PLXNC1: variants seen among roughly 807,000 people sequenced by gnomAD.
PLXNC1 encodes the protein plexin C1.
Under a neutral mutation model 178.2 loss-of-function variants are expected in PLXNC1, and 75 were observed. The ratio of observed to expected loss-of-function variants is 0.42; its 90% CI spans 0.35 to 0.51. The LOEUF (loss-of-function observed/expected upper bound fraction) is 0.51, where lower values mean the gene tolerates loss of function less well. Ranked by LOEUF, PLXNC1 falls within the 20% of genes least tolerant of loss-of-function variation. The pLI is 0.02. For synonymous variants in PLXNC1, 790 were observed against 779.9 expected (o/e 1.01, Z -0.22); for missense variants, 1,503 against 1,984.4 (o/e 0.76, Z 4.61).
At chr12:94,294,642 G>C in intron 24 of PLXNC1, 102 bp downstream of exon 24, 1 of 607,484 alleles carries the variant, frequency 1.6e-6, no homozygotes. Context: ...AGATTGAGTT[G>C]TTGCTATGTA....
At chr12:94,301,777 T>C (rs1469590329) in intron 28 of PLXNC1, among the ~76,000 whole-genome samples, 1 of 152,224 alleles carries the variant, frequency 6.6e-6, no homozygotes, top group Non-Finnish European at 1.5e-5. Flanking sequence ...AAACTCTTTA[T>C]CAGCAGTATT....
intron 21 of PLXNC1, among the ~76,000 whole-genome samples, chr12:94,276,332 T>C (rs940900651): frequency 6.6e-6 from 1 of 152,100 alleles, no homozygotes; most frequent in Non-Finnish European, 1.5e-5. Context: ...AACAAGATCG[T>C]AGGTGGTGGC....
At chr12:94,296,996 C>T (rs898280044) in intron 24 of PLXNC1, among the ~76,000 whole-genome samples, 193 bp from the exon 25 acceptor site, 1 of 152,196 alleles carries the variant, frequency 6.6e-6, no homozygotes, top group African/African-American at 2.4e-5. Flanking sequence ...ATCCCTCACC[C>T]GTCCCATCTT....
chr12:94,253,167 T>C (rs1414546147), intron 15 of PLXNC1, among the ~76,000 whole-genome samples: 3 of 122,494 alleles, frequency 2.4e-5, no homozygotes, highest in African/African-American at 9.0e-5. Flanking sequence ...GCCGAGATCG[T>C]GCCACTGCAC....
rs530585799 is a variant in PLXNC1, at chr12:94,181,614, A to G, written c.1338+34A>G. 6 of 1,544,368 alleles carry G rather than the reference A, an allele frequency of 3.9e-6. No homozygotes were observed. In the Admixed American group the frequency reaches 7.0e-5, roughly 18 times the overall value. On this transcript the variant is annotated intron_variant, in intron 3 of 30. Transcript: ENST00000258526. ...AAATACTAGTTATTGCTTCTGATTT[A>G]TGAATAAAAATGGTTTAATTGATGT... is the stretch of plus-strand genomic sequence containing the variant.
At chr12:94,237,494 G>T (rs78373738) in intron 9 of PLXNC1, among the ~76,000 whole-genome samples, 170 bp from the exon 10 acceptor site, 2,904 of 152,280 alleles carry the variant, frequency 0.019, 92 homozygotes, top group African/African-American at 0.066. Flanking sequence ...ACATGAATCT[G>T]CAGCCCTCTT....
At chr12:94,245,362 A>G (rs76509143) in intron 12 of PLXNC1, among the ~76,000 whole-genome samples, 150 of 152,260 alleles carry the variant, frequency 9.9e-4, no homozygotes, top group African/African-American at 3.5e-3. Context: ...GCCTTCATGG[A>G]GGCAGGCAGC....
chr12:94,195,135 G>A (rs977576948), intron 4 of PLXNC1, among the ~76,000 whole-genome samples: 14 of 152,156 alleles, frequency 9.2e-5, no homozygotes, highest in South Asian at 4.2e-4. Flanking sequence ...CCTTACTAGC[G>A]GGTGCTGGGA....
At chr12:94,241,130 A>C (rs1964376119) in intron 11 of PLXNC1, among the ~76,000 whole-genome samples, 1 of 151,810 alleles carries the variant, frequency 6.6e-6, no homozygotes, top group African/African-American at 2.4e-5. Context: ...CCCAAAATAA[A>C]CTCTCCCAGA....
chr12:94,301,306 C>A (rs1469127367), intron 28 of PLXNC1, among the ~76,000 whole-genome samples: 1 of 152,196 alleles, frequency 6.6e-6, no homozygotes, highest in Non-Finnish European at 1.5e-5. Context: ...AACTTTATCA[C>A]AAAGTATGCG....
At chr12:94,271,470 G>A (rs536116134) in intron 21 of PLXNC1, among the ~76,000 whole-genome samples, 103 of 152,334 alleles carry the variant, frequency 6.8e-4, no homozygotes, top group Non-Finnish European at 1.0e-3. Context: ...GTGACGGGAC[G>A]ATGGGTAAAA....
At chr12:94,240,995 C>T (rs1202043488) in intron 11 of PLXNC1, among the ~76,000 whole-genome samples, 1 of 152,112 alleles carries the variant, frequency 6.6e-6, no homozygotes, top group Non-Finnish European at 1.5e-5. Flanking sequence ...TTTCTTACCT[C>T]TTTCATTTTA....
intron 22 of PLXNC1, among the ~76,000 whole-genome samples, chr12:94,281,290 AAAAC>A (rs772408642): frequency 1.3e-5 from 2 of 152,162 alleles, no homozygotes; most frequent in Non-Finnish European, 2.9e-5. Context: ...AAAAAAAACA[AAAAC>A]AAAACCAAAA....
At position 94,149,008 on chromosome 12, in the gene PLXNC1, C is replaced by G. The variant is rs1394949083; in HGVS notation, c.37C>G (p.Pro13Ala). ...VSRRKAPPRP[P>A]RPAAPLPLLA... ...CCGGAGGAAGGCGCCGCCGCGCCCC[C>G]CGCGCCCCGCAGCGCCACTGCCCCT... The change falls in exon 1 of 31, where the codon CCG becomes GCG. Residue 13 changes from proline (P) to alanine (A), a missense_variant. This residue lies in a region of PLXNC1 where 176 missense variants were observed against 180.7 expected (regional missense o/e 0.97). Coordinates refer to ENST00000258526, the MANE Select transcript of PLXNC1 (RefSeq NM_005761.3). 3 of 1,467,946 alleles carry G rather than the reference C, an allele frequency of 2.0e-6. No individual in the cohort carries two copies. The East Asian group carries it at 8.7e-5, about 43-fold the overall frequency. The allele number at this position is 1,467,946 out of a possible 1,614,324, so 90.9% of individuals were successfully genotyped here. A position where few individuals can be genotyped will look rare whatever the true frequency, so the allele number is the denominator to read the frequency against.
At chr12:94,297,469 T>G (rs372128916) in intron 26 of PLXNC1, 46 bp downstream of exon 26, 1 of 1,289,300 alleles carries the variant, frequency 7.8e-7, no homozygotes, top group African/African-American at 1.5e-5. Context: ...CTAGGGGGTG[T>G]ATGATATGTT....
intron 4 of PLXNC1, among the ~76,000 whole-genome samples, chr12:94,193,804 G>A (rs900370509): frequency 6.6e-6 from 1 of 152,146 alleles, no homozygotes; most frequent in African/African-American, 2.4e-5. Flanking sequence ...CAGAGGTGTC[G>A]GTTACTGAGT....
chr12:94,164,798 C>T (rs959005575), intron 1 of PLXNC1, among the ~76,000 whole-genome samples: 1 of 152,014 alleles, frequency 6.6e-6, no homozygotes, highest in African/African-American at 2.4e-5. Context: ...GCCCAAACAT[C>T]GCTTGAGCCA....
chr12:94,235,215 G>C lies in PLXNC1; in HGVS notation c.1981-2449G>C, dbSNP rs147532650. Among the ~76,000 whole-genome samples the C allele has an allele frequency of 2.5e-3, 383 of 152,242 alleles. 1 individual carries two copies. The highest frequency in any genetic ancestry group is 8.9e-3 in the African/African-American group (368 of 41,546). ...TCTCTAAACAATAGGGGTTTAAAAT[G>C]TTTTTGAAGTAGCAAGGCGGTCTCC... On this transcript the variant is annotated intron_variant, in intron 9 of 30. Transcript: ENST00000258526.
At chr12:94,177,545 G>GAAAGAGAC (rs1962148526) in intron 2 of PLXNC1, among the ~76,000 whole-genome samples, 1 of 84,860 alleles carries the variant, frequency 1.2e-5, no homozygotes, top group Non-Finnish European at 2.4e-5. Context: ...AAGAAAGAGA[G>GAAAGAGAC]AGAAAGAAAA....
Sources: allele counts gnomAD v4.1 joint callset (sites outside exome capture counted in the v4.1 genomes callset), GRCh38; gene constraint gnomAD v4.1.1; regional missense constraint gnomAD v4.1.1; transcripts MANE v1.5; gene names NCBI Gene and HGNC (gene_info 2026-07-23, HGNC 2026-07-21).